CNBD1: variants seen among roughly 807,000 people sequenced by gnomAD.
CNBD1 encodes the protein cyclic nucleotide-binding domain-containing protein 1.
In CNBD1, 71 loss-of-function variants were observed where a neutral mutation model predicts 54.4. The ratio of observed to expected loss-of-function variants is 1.30; its 90% CI spans 1.08 to 1.59. The LOEUF (loss-of-function observed/expected upper bound fraction) is 1.59, where lower values mean the gene tolerates loss of function less well. CNBD1 is among the 40% of genes most tolerant of loss of function. The pLI is 0.00. For synonymous variants in CNBD1, 182 were observed against 170.7 expected (o/e 1.07, Z -0.51); for missense variants, 659 against 518.0 (o/e 1.27, Z -2.64).
At chr8:87,155,062 G>A (rs1252584472) in intron 4 of CNBD1, among the ~76,000 whole-genome samples, 1 of 152,154 alleles carries the variant, frequency 6.6e-6, no homozygotes, top group Non-Finnish European at 1.5e-5. Context: ...CACCACCTGG[G>A]TCTGGGAGGG....
rs566869756 is a variant in CNBD1 at position 87,180,716 on chromosome 8, C to T, written c.432-25277C>T. ...TTAGCAAAGAAACCTACCCCTTATT[C>T]CACCTGGACTAAAAAAGAAGGAAGG... On this transcript the variant is annotated intron_variant, in intron 4 of 10. Transcript: ENST00000518476. Among the ~76,000 whole-genome samples the T allele has an allele frequency of 2.0e-5, 3 of 152,130 alleles. No homozygotes were observed. The South Asian group carries it at 6.2e-4, about 32-fold the overall frequency.
In CNBD1 at chr8:87,286,626, G is replaced by C; in HGVS notation, c.997G>C (p.Glu333Gln). 6.5e-7 allele frequency: 1 copy of C among 1,531,354 alleles called. No individual in the cohort carries two copies. Among genetic ancestry groups the C allele is most frequent in the Admixed American group, 2.0e-5 (1 of 50,902 alleles). 94.9% of individuals were successfully genotyped at this position (1,531,354 alleles called of 1,614,324 possible). A position where few individuals can be genotyped will look rare whatever the true frequency, so the allele number is the denominator to read the frequency against. ...YEEWPTLSIY[E>Q]LIALLKWKKF... The stretch of plus-strand genomic sequence containing the variant: ...GGAATGGCCTACTTTATCCATATAT[G>C]AGCTAATTGCACTCCTTAAATGGAA... Residue 333 changes from glutamate to glutamine, a missense_variant, in exon 8 of 11, where the codon GAG becomes CAG. Coordinates refer to ENST00000518476, the MANE Select transcript of CNBD1 (RefSeq NM_173538.3).
At chr8:86,926,681 A>G (rs553846876) in intron 3 of CNBD1, among the ~76,000 whole-genome samples, 23 of 152,300 alleles carry the variant, frequency 1.5e-4, no homozygotes, top group African/African-American at 5.1e-4. Flanking sequence ...GAAGGTGCAG[A>G]GTACTCCCCT....
At chr8:87,192,877 A>G (rs1195537026) in intron 4 of CNBD1, among the ~76,000 whole-genome samples, 1 of 152,138 alleles carries the variant, frequency 6.6e-6, no homozygotes, top group Non-Finnish European at 1.5e-5. Flanking sequence ...GTGTCTGTAT[A>G]TGTGTGTTCA....
At chr8:86,965,223 A>G (rs2130478729) in intron 4 of CNBD1, among the ~76,000 whole-genome samples, 1 of 152,328 alleles carries the variant, frequency 6.6e-6, no homozygotes, top group South Asian at 2.1e-4. Context: ...ACAGCATGAG[A>G]AAAAAGAAAG....
intron 4 of CNBD1, among the ~76,000 whole-genome samples, chr8:87,043,636 G>A (rs1183148835): frequency 6.6e-6 from 1 of 152,090 alleles, no homozygotes; most frequent in African/African-American, 2.4e-5. Flanking sequence ...CATCACATAG[G>A]AGCTGTAGCT....
At chr8:87,292,433 A>G (rs1479924593) in intron 8 of CNBD1, among the ~76,000 whole-genome samples, 1 of 152,194 alleles carries the variant, frequency 6.6e-6, no homozygotes, top group Non-Finnish European at 1.5e-5. Context: ...TTTGGTCATC[A>G]TGTTTAATTC....
At chr8:87,021,994 CAGAT>C (rs977004555) in intron 4 of CNBD1, among the ~76,000 whole-genome samples, 32 of 152,004 alleles carry the variant, frequency 2.1e-4, no homozygotes, top group Admixed American at 1.7e-3. Context: ...ATGACAGTAA[CAGAT>C]AGGCGAGGAA....
intron 2 of CNBD1, among the ~76,000 whole-genome samples, chr8:87,388,575 C>T (rs1384989004): frequency 1.3e-5 from 2 of 152,142 alleles, no homozygotes; most frequent in Non-Finnish European, 2.9e-5. Context: ...TCTGAGTAGA[C>T]CAATAACAGG....
At chr8:87,070,371 G>T (rs1443836324) in intron 4 of CNBD1, among the ~76,000 whole-genome samples, 1 of 152,056 alleles carries the variant, frequency 6.6e-6, no homozygotes, top group East Asian at 1.9e-4. Flanking sequence ...GAAGGAAAAG[G>T]TGGAAGTAAG....
At chr8:86,933,704 G>A (rs902170932) in intron 3 of CNBD1, among the ~76,000 whole-genome samples, 3 of 151,722 alleles carry the variant, frequency 2.0e-5, no homozygotes, top group Non-Finnish European at 2.9e-5. Context: ...AACCTGGGTG[G>A]GTACATTAAG....
chr8:87,159,209 T>C (rs1305767992), intron 4 of CNBD1, among the ~76,000 whole-genome samples: 1 of 152,164 alleles, frequency 6.6e-6, no homozygotes, highest in Non-Finnish European at 1.5e-5. Flanking sequence ...GTACCTGCCA[T>C]CATCCTTGCT....
At chr8:86,960,907 C>A (rs189127087) in intron 4 of CNBD1, among the ~76,000 whole-genome samples, 4 of 152,290 alleles carry the variant, frequency 2.6e-5, no homozygotes, top group African/African-American at 9.6e-5. Flanking sequence ...CTCCAACAGA[C>A]CTGCAGCTCA....
intron 4 of CNBD1, among the ~76,000 whole-genome samples, chr8:87,127,550 T>G (rs1812016964): frequency 6.6e-6 from 1 of 152,138 alleles, no homozygotes; most frequent in Admixed American, 6.5e-5. Context: ...AGTGGATTTT[T>G]TCATAGGTTT....
intron 4 of CNBD1, among the ~76,000 whole-genome samples, chr8:87,035,144 A>C (rs192844227): frequency 2.8e-4 from 43 of 152,224 alleles, no homozygotes; most frequent in African/African-American, 1.0e-3. Context: ...TTCAAAGTTT[A>C]TGCCATCTTT....
intron 2 of CNBD1, among the ~76,000 whole-genome samples, chr8:87,413,273 T>G (rs946777370): frequency 2.0e-5 from 3 of 152,200 alleles, no homozygotes; most frequent in Non-Finnish European, 4.4e-5. Context: ...TTTTGCATAG[T>G]GAGTTTTGGG....
chr8:87,018,106 G>C (rs895404474), intron 4 of CNBD1, among the ~76,000 whole-genome samples: 8 of 152,118 alleles, frequency 5.3e-5, no homozygotes, highest in African/African-American at 1.9e-4. Context: ...AGCCAGGCAT[G>C]GTGGCGCATG....
intron 4 of CNBD1, among the ~76,000 whole-genome samples, chr8:87,038,894 T>C (rs937536228): frequency 6.6e-6 from 1 of 152,214 alleles, no homozygotes; most frequent in Non-Finnish European, 1.5e-5. Flanking sequence ...CACTCCACTT[T>C]CCACCATTGC....
rs184183661 is a variant in CNBD1, at chr8:87,331,998, C to T, written c.1043-19687C>T. On this transcript the variant is annotated intron_variant, in intron 8 of 10. Coordinates refer to ENST00000518476, the MANE Select transcript of CNBD1 (RefSeq NM_173538.3). Reference sequence around the variant, plus strand: ...ATGGGTAGATTGCAAAAATTTTCTCCCATTCTGTAGGTTGCATGTTCACTC... The same window carrying T: ...ATGGGTAGATTGCAAAAATTTTCTCTCATTCTGTAGGTTGCATGTTCACTC... Among the ~76,000 whole-genome samples, 113 of 147,796 alleles carry T rather than the reference C, an allele frequency of 7.6e-4. 1 individual carries two copies. The highest frequency in any genetic ancestry group is 2.8e-3 in the African/African-American group (107 of 38,146).
Sources: allele counts gnomAD v4.1 joint callset (sites outside exome capture counted in the v4.1 genomes callset), GRCh38; gene constraint gnomAD v4.1.1; transcripts MANE v1.5; gene names NCBI Gene and HGNC (gene_info 2026-07-23, HGNC 2026-07-21).